The following XYLT1 variants were observed in gnomAD, a reference collection of about 807,000 sequenced individuals.
XYLT1 encodes xylosyltransferase 1, also known as beta-D-xylosyltransferase 1.
A neutral mutation model predicts 91.3 loss-of-function variants in XYLT1; 36 were observed. The observed-to-expected ratio is 0.39, with a 90% CI of 0.30 to 0.52. XYLT1 has a LOEUF of 0.52. Ranked by LOEUF, XYLT1 falls within the 20% of genes least tolerant of loss-of-function variation. XYLT1 has a pLI of 0.68. For missense variants in XYLT1, 1,242 were observed against 1,284.5 expected (o/e 0.97, Z 0.51); for synonymous variants, 588 against 532.0 (o/e 1.11, Z -1.45).
chr16:17,393,765 AATT>A (rs374790942), intron 1 of XYLT1, among the ~76,000 whole-genome samples: 16,215 of 149,442 alleles, frequency 0.11, 1,169 homozygotes, highest in Admixed American at 0.24. Context: ...TTAATTAATT[AATT>A]ATTATTATTA....
intron 3 of XYLT1, among the ~76,000 whole-genome samples, chr16:17,215,516 A>G (rs2032838735): frequency 6.6e-6 from 1 of 152,162 alleles, no homozygotes; most frequent in South Asian, 2.1e-4. Context: ...GAACCCAACC[A>G]TGCTGGCACC....
intron 6 of XYLT1, among the ~76,000 whole-genome samples, chr16:17,142,431 A>ATTTTTT (rs71137975): frequency 1.6e-5 from 2 of 122,746 alleles, no homozygotes; most frequent in South Asian, 2.6e-4. Context: ...AAATCCTGTA[A>ATTTTTT]TTTTTTTTTT....
intron 5 of XYLT1, among the ~76,000 whole-genome samples, chr16:17,180,237 C>T (rs866205685): frequency 1.7e-4 from 26 of 152,182 alleles, no homozygotes; most frequent in African/African-American, 5.6e-4. Flanking sequence ...AGACACTGCC[C>T]CAATTCCTGA....
chr16:17,252,156 C>G (rs556410603), intron 3 of XYLT1, among the ~76,000 whole-genome samples: 1 of 152,064 alleles, frequency 6.6e-6, no homozygotes, highest in Non-Finnish European at 1.5e-5. Context: ...GTAATACTAA[C>G]AAGCCAAGCA....
intron 2 of XYLT1, among the ~76,000 whole-genome samples, chr16:17,324,174 A>C (rs2034766320): frequency 6.6e-6 from 1 of 152,322 alleles, no homozygotes; most frequent in Admixed American, 6.5e-5. Flanking sequence ...CAACAAGGGA[A>C]AAAAGTGAGA....
intron 2 of XYLT1, among the ~76,000 whole-genome samples, chr16:17,345,565 C>T (rs1056743207): frequency 2.3e-4 from 35 of 152,332 alleles, no homozygotes; most frequent in African/African-American, 7.9e-4. Flanking sequence ...GTGTCTCCAG[C>T]TTATCCTCTT....
At chr16:17,349,445 G>A (rs1258965638) in intron 2 of XYLT1, among the ~76,000 whole-genome samples, 1 of 152,024 alleles carries the variant, frequency 6.6e-6, no homozygotes, top group Non-Finnish European at 1.5e-5. Context: ...CCTGGCTCTA[G>A]TTTAGATTCT....
chr16:17,108,569 T>C lies in XYLT1; in HGVS notation c.*126A>G. ...TGCTGACCTTCCCTTTCCATCATTC[T>C]ATGGCCAGGAGAGACCCATTCACAG... is the stretch of plus-strand genomic sequence containing the variant. On this transcript the variant is annotated 3_prime_UTR_variant, in exon 12 of 12. Coordinates refer to ENST00000261381, the MANE Select transcript of XYLT1 (RefSeq NM_022166.4). 1.1e-6 allele frequency: 1 copy of C among 946,292 alleles called. No individual in the cohort carries two copies. Among genetic ancestry groups the C allele is most frequent in the Non-Finnish European group, 1.5e-6 (1 of 666,640 alleles). The allele number at this position is 946,292 out of a possible 1,614,324, so 58.6% of individuals were successfully genotyped here.
chr16:17,405,068 G>A (rs752284510), intron 1 of XYLT1, among the ~76,000 whole-genome samples: 14 of 150,160 alleles, frequency 9.3e-5, no homozygotes, highest in African/African-American at 1.2e-4. Context: ...AAACGGCCTC[G>A]CCACCCCGCG....
chr16:17,127,964 T>G, intron 9 of XYLT1, 103 bp from the exon 10 acceptor site: 1 of 1,041,838 alleles, frequency 9.6e-7, no homozygotes, highest in South Asian at 1.6e-5. Context: ...GTCCCCATTG[T>G]GCACAATGCC....
intron 1 of XYLT1, among the ~76,000 whole-genome samples, chr16:17,434,822 T>C (rs149063864): frequency 6.5e-4 from 98 of 151,604 alleles, no homozygotes; most frequent in Admixed American, 1.6e-3. Context: ...GAGCTATGAC[T>C]GCACCACTGC....
chr16:17,160,863 AAT>A (rs1365819737), intron 5 of XYLT1, among the ~76,000 whole-genome samples: 2 of 152,136 alleles, frequency 1.3e-5, no homozygotes, highest in African/African-American at 2.4e-5. Flanking sequence ...AAATTTAAGC[AAT>A]GTTTCTCTCC....
chr16:17,245,761 G>T (rs2033425882), intron 3 of XYLT1, among the ~76,000 whole-genome samples: 1 of 152,274 alleles, frequency 6.6e-6, no homozygotes, highest in African/African-American at 2.4e-5. Context: ...TCTCTCATGG[G>T]TGACTGAAGG....
intron 5 of XYLT1, among the ~76,000 whole-genome samples, chr16:17,164,985 CAGG>C (rs971310842): frequency 6.6e-6 from 1 of 152,202 alleles, no homozygotes; most frequent in East Asian, 1.9e-4. Flanking sequence ...TGTGTAACCA[CAGG>C]AGAAGTGCAC....
chr16:17,342,738 G>A (rs1450501164), intron 2 of XYLT1, among the ~76,000 whole-genome samples: 11 of 151,966 alleles, frequency 7.2e-5, no homozygotes, highest in African/African-American at 2.4e-4. Flanking sequence ...AAACACATGC[G>A]TTTCTCATTT....
intron 2 of XYLT1, among the ~76,000 whole-genome samples, chr16:17,265,480 T>C (rs1198383318): frequency 1.3e-5 from 2 of 152,238 alleles, no homozygotes; most frequent in African/African-American, 2.4e-5. Flanking sequence ...TTTATTTTAA[T>C]GTACTTATTA....
intron 1 of XYLT1, among the ~76,000 whole-genome samples, chr16:17,429,609 T>C (rs1364520546): frequency 6.6e-6 from 1 of 152,196 alleles, no homozygotes; most frequent in Non-Finnish European, 1.5e-5. Context: ...TGTGAAGGTG[T>C]TTCTGGACGA....
At chr16:17,241,580 A>T (rs2033346300) in intron 3 of XYLT1, among the ~76,000 whole-genome samples, 1 of 152,184 alleles carries the variant, frequency 6.6e-6, no homozygotes. Context: ...TGCAAAACGA[A>T]AAAGTTCTGG....
intron 8 of XYLT1, 180 bp downstream of exon 8, chr16:17,138,175 C>T: frequency 1.5e-6 from 1 of 673,914 alleles, no homozygotes; most frequent in Non-Finnish European, 2.4e-6. Context: ...TTAGAACATC[C>T]CTGAAGTAAG....
Sources: gnomAD v4.1 joint callset for allele counts (sites outside exome capture counted in the v4.1 genomes callset) on GRCh38, gnomAD v4.1.1 for gene constraint, MANE v1.5 for transcripts, NCBI Gene and HGNC (gene_info 2026-07-23, HGNC 2026-07-21) for gene names.